DTNA: variants seen among roughly 807,000 people sequenced by gnomAD.
DTNA encodes dystrobrevin alpha, also known as dystrophin-related protein 3.
In DTNA, 43 loss-of-function variants were observed where a neutral mutation model predicts 100.7. The observed-to-expected ratio is 0.43, with a 90% CI of 0.33 to 0.55. The LOEUF (loss-of-function observed/expected upper bound fraction) is 0.55. DTNA is among the 20% of genes least tolerant of loss of function. The pLI is 0.04. For missense variants in DTNA, 798 were observed against 953.9 expected (o/e 0.84, Z 2.15); for synonymous variants, 349 against 347.9 (o/e 1.00, Z -0.04).
At chr18:34,596,354 G>A (rs943566880) in intron 1 of DTNA, among the ~76,000 whole-genome samples, 1 of 152,086 alleles carries the variant, frequency 6.6e-6, no homozygotes, top group Non-Finnish European at 1.5e-5. Context: ...AAGTAGCTGG[G>A]ATTACAGGCA....
At chr18:34,775,234 C>T (rs2093982312) in intron 3 of DTNA, among the ~76,000 whole-genome samples, 1 of 152,196 alleles carries the variant, frequency 6.6e-6, no homozygotes, top group African/African-American at 2.4e-5. Flanking sequence ...TGCTTGTAAT[C>T]CCAGCACTTT....
intron 1 of DTNA, among the ~76,000 whole-genome samples, chr18:34,552,048 C>T (rs765137745): frequency 6.6e-6 from 1 of 152,008 alleles, no homozygotes; most frequent in Non-Finnish European, 1.5e-5. Flanking sequence ...TCCATTTCAG[C>T]CTCTGGTTTA....
intron 1 of DTNA, among the ~76,000 whole-genome samples, chr18:34,555,550 C>A (rs1025980259): frequency 6.6e-6 from 1 of 152,058 alleles, no homozygotes; most frequent in Non-Finnish European, 1.5e-5. Flanking sequence ...GCTTTGAATG[C>A]GTCCCAGAGA....
chr18:34,779,946 A>G (rs554873981), intron 3 of DTNA, among the ~76,000 whole-genome samples: 1 of 152,322 alleles, frequency 6.6e-6, no homozygotes, highest in Non-Finnish European at 1.5e-5. Flanking sequence ...GTAGATTGGT[A>G]GTATCAGACA....
intron 1 of DTNA, among the ~76,000 whole-genome samples, chr18:34,553,167 A>G (rs1328907751): frequency 1.8e-4 from 27 of 151,402 alleles, no homozygotes; most frequent in African/African-American, 5.6e-4. Flanking sequence ...TTGGCTGCAT[A>G]AATGTCTTCT....
At chr18:34,792,872 G>A (rs2094809691) in intron 3 of DTNA, among the ~76,000 whole-genome samples, 1 of 152,086 alleles carries the variant, frequency 6.6e-6, no homozygotes, top group Admixed American at 6.6e-5. Context: ...AGAAATGGAA[G>A]CCACATATCT....
chr18:34,589,461 T>C (rs1162474256), intron 1 of DTNA, among the ~76,000 whole-genome samples: 1 of 151,872 alleles, frequency 6.6e-6, no homozygotes, highest in East Asian at 1.9e-4. Context: ...TACAAAAAAT[T>C]AGCTGGGCGT....
intron 1 of DTNA, among the ~76,000 whole-genome samples, chr18:34,516,275 A>G (rs939963764): frequency 2.0e-5 from 3 of 152,168 alleles, no homozygotes; most frequent in Non-Finnish European, 2.9e-5. Flanking sequence ...GGAGGAATGT[A>G]TGAATAGGTT....
chr18:34,778,792 T>C (rs1006796099), intron 3 of DTNA, among the ~76,000 whole-genome samples: 5 of 144,036 alleles, frequency 3.5e-5, no homozygotes, highest in East Asian at 3.9e-4. Context: ...ATAAAAGCTA[T>C]ATATATAGGG....
intron 1 of DTNA, among the ~76,000 whole-genome samples, chr18:34,535,683 AG>A (rs1175626881): frequency 9.9e-5 from 15 of 152,112 alleles, no homozygotes; most frequent in African/African-American, 3.4e-4. Flanking sequence ...GATGTAAGGA[AG>A]GGGTCCAGTT....
In DTNA at chr18:34,577,808, T is replaced by A. The variant is rs553055843; in HGVS notation, c.-2+84294T>A. Among the ~76,000 whole-genome samples the A allele has an allele frequency of 3.4e-5, 5 of 149,218 alleles. No homozygotes were observed. In the South Asian group the frequency reaches 8.3e-4, roughly 25 times the overall value. On this transcript the variant is annotated intron_variant, in intron 1 of 19. Transcript: ENST00000283365. ...TGAGTAGTATTCCATTGTGTGTATA[T>A]GTATAATATATGTGTGTGTGACATA...
At chr18:34,752,479 GCTTA>G (rs2092404653) in intron 1 of DTNA, among the ~76,000 whole-genome samples, 1 of 152,156 alleles carries the variant, frequency 6.6e-6, no homozygotes, top group African/African-American at 2.4e-5. Flanking sequence ...GAACTCATGA[GCTTA>G]CTTTGTCCTA....
At chr18:34,496,006 A>T (rs2039153334) in intron 1 of DTNA, among the ~76,000 whole-genome samples, 1 of 152,152 alleles carries the variant, frequency 6.6e-6, no homozygotes, top group Non-Finnish European at 1.5e-5. Flanking sequence ...CGAGTTTCAA[A>T]ATTATTTTGA....
At chr18:34,734,317 A>G (rs577950859) in intron 1 of DTNA, among the ~76,000 whole-genome samples, 1 of 152,248 alleles carries the variant, frequency 6.6e-6, no homozygotes, top group African/African-American at 2.4e-5. Context: ...TGTTGACTCT[A>G]CTGGGGATGG....
intron 9 of DTNA, among the ~76,000 whole-genome samples, chr18:34,823,003 G>C (rs552482781): frequency 2.0e-5 from 3 of 152,114 alleles, no homozygotes; most frequent in Non-Finnish European, 4.4e-5. Context: ...TAACATACAA[G>C]ACATTCTGGA....
chr18:34,835,531 G>A (rs2096121444), intron 11 of DTNA, among the ~76,000 whole-genome samples: 1 of 152,136 alleles, frequency 6.6e-6, no homozygotes, highest in African/African-American at 2.4e-5. Context: ...GGAGAGACAG[G>A]CAAGTGGAGT....
chr18:34,816,089 C>T, intron 7 of DTNA, 75 bp downstream of exon 7: 6 of 1,443,270 alleles, frequency 4.2e-6, no homozygotes, highest in Non-Finnish European at 5.8e-6. Flanking sequence ...AGTTAGTAAG[C>T]CCAGGCTGTT....
intron 1 of DTNA, among the ~76,000 whole-genome samples, chr18:34,514,821 CT>C (rs2041434385): frequency 6.6e-6 from 1 of 151,920 alleles, no homozygotes; most frequent in Non-Finnish European, 1.5e-5. Flanking sequence ...AGGTTTTGTC[CT>C]CATGACCTAA....
chr18:34,867,582 A>G, intron 17 of DTNA: 13 of 1,063,494 alleles, frequency 1.2e-5, no homozygotes, highest in Non-Finnish European at 1.5e-5. Flanking sequence ...ATGTGCATAG[A>G]AAAAGGAAAT....
Sources: gnomAD v4.1 joint callset for allele counts (sites outside exome capture counted in the v4.1 genomes callset) on GRCh38, gnomAD v4.1.1 for gene constraint, MANE v1.5 for transcripts, NCBI Gene and HGNC (gene_info 2026-07-23, HGNC 2026-07-21) for gene names.